GPHN: variants seen among roughly 807,000 people sequenced by gnomAD.
GPHN encodes the protein gephyrin.
In GPHN, 17 loss-of-function variants were observed where a neutral mutation model predicts 95.5. The observed-to-expected ratio is 0.18, with a 90% CI of 0.12 to 0.27. The LOEUF (loss-of-function observed/expected upper bound fraction) is 0.27. Ranked by LOEUF, GPHN falls within the 10% of genes least tolerant of loss-of-function variation. The pLI, the probability that GPHN is intolerant of heterozygous loss-of-function variation, is 1.00. For missense variants in GPHN, 660 were observed against 978.1 expected (o/e 0.67, Z 4.34); for synonymous variants, 320 against 322.5 (o/e 0.99, Z 0.08).
rs185909598 is a variant in GPHN at position 66,892,912 on chromosome 14, A to G, written c.389+12879A>G. Among the ~76,000 whole-genome samples, 260 of 152,318 alleles carry G rather than the reference A, an allele frequency of 1.7e-3. 3 individuals carry two copies. Among genetic ancestry groups the G allele is most frequent in the Non-Finnish European group, 7.3e-4 (50 of 68,028 alleles). On this transcript the variant is annotated intron_variant, in intron 5 of 22. Transcript: ENST00000478722. The stretch of plus-strand genomic sequence containing the variant: ...AAGGTTATGTTATGTATATTTTACC[A>G]GAGTTCCTTTTATAGCTATAGGACA...
the GPHN span, among the ~76,000 whole-genome samples, chr14:67,554,750 G>A: frequency 2.6e-5 from 4 of 152,254 alleles, no homozygotes; most frequent in South Asian, 4.1e-4. Context: ...CTGTGGGCTC[G>A]TGAGCAGCTC....
At chr14:67,093,869 A>G (rs1033783036) in intron 12 of GPHN, among the ~76,000 whole-genome samples, 1 of 152,062 alleles carries the variant, frequency 6.6e-6, no homozygotes, top group African/African-American at 2.4e-5. Flanking sequence ...AACCCCTCCT[A>G]TAATCTTAAC....
chr14:66,944,114 A>G (rs2067593851), intron 8 of GPHN, among the ~76,000 whole-genome samples: 1 of 152,238 alleles, frequency 6.6e-6, no homozygotes, highest in Non-Finnish European at 1.5e-5. Context: ...TATAATTTGA[A>G]TATCCACTTT....
the GPHN span, among the ~76,000 whole-genome samples, chr14:67,625,636 T>C: frequency 6.0e-5 from 8 of 133,306 alleles, no homozygotes; most frequent in Admixed American, 6.1e-4. Context: ...GCCGAGATTG[T>C]GCCATTGCAG....
the GPHN span, among the ~76,000 whole-genome samples, chr14:67,524,419 A>G: frequency 0.015 from 2,346 of 152,242 alleles, 37 homozygotes; most frequent in Non-Finnish European, 0.02. Context: ...TGGTGCTACA[A>G]TTAGGAGTGT....
At chr14:67,356,340 G>A in the GPHN span, among the ~76,000 whole-genome samples, 1 of 151,334 alleles carries the variant, frequency 6.6e-6, no homozygotes, top group East Asian at 2.0e-4. Flanking sequence ...AAAATCACTT[G>A]AACCTGGCAG....
chr14:67,400,688 A>C, the GPHN span, among the ~76,000 whole-genome samples: 1 of 151,814 alleles, frequency 6.6e-6, no homozygotes, highest in Non-Finnish European at 1.5e-5. Flanking sequence ...AGTAGAGGAG[A>C]GGGCAAAAGA....
chr14:67,245,984 C>T, the GPHN span, among the ~76,000 whole-genome samples: 2 of 151,898 alleles, frequency 1.3e-5, no homozygotes, highest in Non-Finnish European at 2.9e-5. Flanking sequence ...TGTCCAGTTC[C>T]ATGACCATTT....
chr14:67,575,451 C>T, the GPHN span: 2 of 1,606,016 alleles, frequency 1.2e-6, no homozygotes, highest in South Asian at 1.1e-5. Context: ...TCTTCTACTA[C>T]TATCGGAGCC....
chr14:66,892,024 G>A (rs2064540011), intron 5 of GPHN, among the ~76,000 whole-genome samples: 1 of 152,186 alleles, frequency 6.6e-6, no homozygotes, highest in Admixed American at 6.5e-5. Flanking sequence ...TGGTGAGGAT[G>A]TAAAACTGTG....
chr14:67,546,610 G>T, the GPHN span, among the ~76,000 whole-genome samples: 166 of 152,252 alleles, frequency 1.1e-3, no homozygotes, highest in African/African-American at 3.3e-3. Flanking sequence ...GGCTGGTCTT[G>T]AACTCCCAAC....
the GPHN span, chr14:67,199,238 G>A: frequency 3.1e-6 from 5 of 1,602,778 alleles, no homozygotes; most frequent in Non-Finnish European, 4.3e-6. Context: ...ATGACTTTGT[G>A]AATTCTTGAG....
At chr14:67,328,067 C>T in the GPHN span, among the ~76,000 whole-genome samples, 1 of 152,314 alleles carries the variant, frequency 6.6e-6, no homozygotes, top group East Asian at 1.9e-4. Flanking sequence ...CACTGTCTTC[C>T]ACAATGGTTG....
chr14:67,129,029 G>T (rs574971222), intron 17 of GPHN, among the ~76,000 whole-genome samples: 16 of 151,036 alleles, frequency 1.1e-4, no homozygotes, highest in Non-Finnish European at 2.1e-4. Context: ...TGTCAGGCTG[G>T]TCTCAAACTC....
At chr14:67,651,553 A>AC in the GPHN span, 187 of 1,534,828 alleles carry the variant, frequency 1.2e-4, no homozygotes, top group Non-Finnish European at 1.5e-4. Flanking sequence ...TTGGGGTTAG[A>AC]CCTGGGACCA....
chr14:67,145,166 TTTG>T (rs2080827134), intron 18 of GPHN, among the ~76,000 whole-genome samples: 1 of 152,252 alleles, frequency 6.6e-6, no homozygotes, highest in Admixed American at 6.5e-5. Context: ...AAATGTTAAA[TTTG>T]TTATTTCCAG....
the GPHN span, among the ~76,000 whole-genome samples, chr14:67,355,664 G>A: frequency 6.6e-6 from 1 of 151,848 alleles, no homozygotes; most frequent in Non-Finnish European, 1.5e-5. Flanking sequence ...TTTCAGGCAG[G>A]AAAAAGAGCT....
chr14:67,631,455 A>G, the GPHN span, among the ~76,000 whole-genome samples: 42 of 72,022 alleles, frequency 5.8e-4, no homozygotes, highest in Admixed American at 8.9e-4. Flanking sequence ...TTTTTTTTTG[A>G]GACAGGGTCT....
At chr14:67,254,038 A>G in the GPHN span, among the ~76,000 whole-genome samples, 988 of 88,466 alleles carry the variant, frequency 0.011, 14 homozygotes, top group African/African-American at 0.042. Flanking sequence ...CCCCCCCCTT[A>G]CAAGTTTTCT....
Sources: allele counts gnomAD v4.1 joint callset (sites outside exome capture counted in the v4.1 genomes callset), GRCh38; gene constraint gnomAD v4.1.1; transcripts MANE v1.5; gene names NCBI Gene and HGNC (gene_info 2026-07-23, HGNC 2026-07-21).